ADAM9: variants seen among roughly 807,000 people sequenced by gnomAD.
ADAM9 encodes disintegrin and metalloproteinase domain-containing protein 9.
Under a neutral mutation model 108.1 loss-of-function variants are expected in ADAM9, and 54 were observed. That is an observed-to-expected ratio of 0.50 (90% CI 0.40 to 0.63). ADAM9 has a LOEUF of 0.63. Ranked by LOEUF, ADAM9 falls within the 20% of genes least tolerant of loss-of-function variation. The pLI, the probability that ADAM9 is intolerant of heterozygous loss-of-function variation, is 0.00. For missense variants in ADAM9, 830 were observed against 997.7 expected, an observed-to-expected ratio of 0.83 and a Z score of 2.26; for synonymous variants, 316 against 336.0, an observed-to-expected ratio of 0.94 and a Z score of 0.65.
At chr8:39,049,504 C>T (rs998918315) in intron 12 of ADAM9, among the ~76,000 whole-genome samples, 10 of 147,090 alleles carry the variant, frequency 6.8e-5, no homozygotes, top group East Asian at 2.0e-4. Context: ...TGCAGTGGTG[C>T]GATGGCTCAC....
At chr8:39,008,083 T>A (rs1836222232) in intron 2 of ADAM9, 100 bp downstream of exon 2, 1 of 876,284 alleles carries the variant, frequency 1.1e-6, no homozygotes, top group African/African-American at 1.7e-5. Flanking sequence ...CAGTGAGTTA[T>A]TACTTGGCTG....
intron 1 of ADAM9, among the ~76,000 whole-genome samples, chr8:38,998,483 A>T (rs1490927071): frequency 6.6e-6 from 1 of 152,190 alleles, no homozygotes; most frequent in Admixed American, 6.5e-5. Flanking sequence ...GCATTAGGTG[A>T]GTGGAATATC....
In ADAM9 at chr8:39,101,844, A is replaced by T. The variant is rs1249305043; in HGVS notation, c.2299-19A>T. The T allele has an allele frequency of 1.4e-6, 2 of 1,478,308 alleles. No individual in the cohort carries two copies. Among genetic ancestry groups the T allele is most frequent in the Non-Finnish European group, 1.9e-6 (2 of 1,073,138 alleles). The allele number at this position is 1,478,308 out of a possible 1,614,324, so 91.6% of individuals were successfully genotyped here. On this transcript the variant is annotated intron_variant, in intron 20 of 21. Transcript: ENST00000487273. ...ATGAGCACATAGTGGTAATAACCTTATTTTTTTTTTCTTTTTAGCCTATAT... is the reference window on the plus strand; with the variant it reads ...ATGAGCACATAGTGGTAATAACCTTTTTTTTTTTTTCTTTTTAGCCTATAT...
intron 12 of ADAM9, among the ~76,000 whole-genome samples, chr8:39,049,832 T>G (rs1039160884): frequency 6.6e-5 from 10 of 152,246 alleles, no homozygotes; most frequent in African/African-American, 2.2e-4. Flanking sequence ...ATTTTGCATT[T>G]GTCTATATAT....
intron 12 of ADAM9, among the ~76,000 whole-genome samples, chr8:39,051,333 A>G (rs1423662737): frequency 6.6e-6 from 1 of 152,080 alleles, no homozygotes; most frequent in African/African-American, 2.4e-5. Context: ...CAGTTTTCCT[A>G]CTGGTTTCAG....
chr8:39,095,475 C>A (rs1248431379), intron 20 of ADAM9, among the ~76,000 whole-genome samples: 2 of 151,986 alleles, frequency 1.3e-5, no homozygotes, highest in Non-Finnish European at 2.9e-5. Flanking sequence ...GATTTTGAGT[C>A]CTAATATTGT....
At position 38,997,060 on chromosome 8, in the gene ADAM9, C is replaced by G. The variant is rs114558710; in HGVS notation, c.-4C>G. On this transcript the variant is annotated 5_prime_UTR_variant, in exon 1 of 22. Transcript: ENST00000487273. ...GCTGAGAGGAACCTGCGGAATCGGC[C>G]GAGATGGGGTCTGGCGCGCGCTTTC... 11 of 1,606,674 alleles carry G rather than the reference C, an allele frequency of 6.8e-6. No individual in the cohort carries two copies. The highest frequency in any genetic ancestry group is 1.1e-5 in the South Asian group (1 of 90,996).
Position 39,014,726 on chromosome 8 carries a change from T to C in ADAM9, c.333+683T>C, listed in dbSNP as rs1428673656. Reference sequence around the variant, plus strand: ...CTTTATTCCCATTACATGTGTATGTTTTATTTTTCTTCTGAACTTTGTAAT... The same window carrying C: ...CTTTATTCCCATTACATGTGTATGTCTTATTTTTCTTCTGAACTTTGTAAT... On this transcript the variant is annotated intron_variant, in intron 4 of 21. Transcript: ENST00000487273. 8.7e-5 allele frequency: 46 copies of C among 531,316 alleles called. 3 individuals are homozygous for C. The South Asian group carries it at 1.1e-3, about 13-fold the overall frequency. The allele number at this position is 531,316 out of a possible 1,614,324, so 32.9% of individuals were successfully genotyped here.
intron 14 of ADAM9, among the ~76,000 whole-genome samples, chr8:39,061,652 T>C (rs1208414967): frequency 1.3e-5 from 2 of 151,720 alleles, no homozygotes; most frequent in South Asian, 2.1e-4. Flanking sequence ...AAGTCCAAGA[T>C]AAAGGTGCTG....
Position 39,104,617 on chromosome 8 carries a change from T to A in ADAM9, c.*917T>A, listed in dbSNP as rs1007981148. The A allele has an allele frequency of 4.6e-6, 2 of 431,478 alleles. No homozygotes were observed. Among genetic ancestry groups the A allele is most frequent in the Non-Finnish European group, 4.6e-6 (1 of 218,796 alleles). 26.7% of individuals were successfully genotyped at this position (431,478 alleles called of 1,614,324 possible). On this transcript the variant is annotated 3_prime_UTR_variant, in exon 22 of 22. Transcript: ENST00000487273. ...TTCATGAGCACTTTAAAATCTGAAC[T>A]TTCAAAGCTTGCTATTAAATCATTT... is the stretch of plus-strand genomic sequence containing the variant.
chr8:39,065,747 AT>A (rs1296408564), intron 14 of ADAM9, among the ~76,000 whole-genome samples: 2 of 150,914 alleles, frequency 1.3e-5, no homozygotes, highest in South Asian at 2.1e-4. Context: ...GTTAATGATA[AT>A]TTTTTTCTTT....
At chr8:39,027,784 A>G (rs1836968683) in intron 11 of ADAM9, among the ~76,000 whole-genome samples, 1 of 152,126 alleles carries the variant, frequency 6.6e-6, no homozygotes. Flanking sequence ...GAGAGGTGAT[A>G]TCTTTAACAA....
At chr8:39,027,884 C>CA (rs1836972363) in intron 11 of ADAM9, among the ~76,000 whole-genome samples, 1 of 151,744 alleles carries the variant, frequency 6.6e-6, no homozygotes, top group Non-Finnish European at 1.5e-5. Flanking sequence ...ACCTGGGCAA[C>CA]ACGGTGAGAC....
chr8:39,091,146 C>A (rs1839341356), intron 19 of ADAM9, 113 bp from the exon 20 acceptor site: 3 of 974,758 alleles, frequency 3.1e-6, no homozygotes, highest in East Asian at 2.4e-5. Flanking sequence ...GATTATCATC[C>A]CCACCACTAC....
At chr8:39,004,330 T>G (rs1280298755) in intron 1 of ADAM9, among the ~76,000 whole-genome samples, 1 of 152,050 alleles carries the variant, frequency 6.6e-6, no homozygotes, top group African/African-American at 2.4e-5. Context: ...CCTTCCACTT[T>G]AGCCTCCTGA....
rs1839794861 is a variant in ADAM9, at chr8:39,104,296, A to G, written c.*596A>G. ...TAAGATGTCATATTATTTTGAAAGT[A>G]CAAAATATACTAAAAGAGTGTGTGT... On this transcript the variant is annotated 3_prime_UTR_variant, in exon 22 of 22. Transcript: ENST00000487273. 2.2e-6 allele frequency: 1 copy of G among 452,872 alleles called. No individual in the cohort carries two copies. The highest frequency in any genetic ancestry group is 2.0e-5 in the African/African-American group (1 of 50,016). 28.1% of individuals were successfully genotyped at this position (452,872 alleles called of 1,614,324 possible). A position where few individuals can be genotyped will look rare whatever the true frequency, so the allele number is the denominator to read the frequency against.
chr8:39,069,979 T>TAC, intron 14 of ADAM9, among the ~76,000 whole-genome samples: 1 of 117,338 alleles, frequency 8.5e-6, no homozygotes, highest in East Asian at 2.5e-4. Context: ...CTTGTCTCAC[T>TAC]AAAAAAAAAA....
At chr8:39,062,259 A>G (rs1160511094) in intron 14 of ADAM9, among the ~76,000 whole-genome samples, 2 of 152,154 alleles carry the variant, frequency 1.3e-5, no homozygotes, top group African/African-American at 2.4e-5. Flanking sequence ...AATAGTATAA[A>G]TTTTTGGCAT....
In ADAM9 at chr8:39,104,646, A is replaced by G. The variant is rs1397006412; in HGVS notation, c.*946A>G. 1 of 448,648 alleles carries G rather than the reference A, an allele frequency of 2.2e-6. No homozygotes were observed. The allele number at this position is 448,648 out of a possible 1,614,324, so 27.8% of individuals were successfully genotyped here. On this transcript the variant is annotated 3_prime_UTR_variant, in exon 22 of 22. Coordinates refer to ENST00000487273, the MANE Select transcript of ADAM9 (RefSeq NM_003816.3). ...AAAGCTTGCTATTAAATCATTTAGA[A>G]TGTTTACATTTACTAAGGTGTGCTG... is the stretch of plus-strand genomic sequence containing the variant.
Sources: allele counts gnomAD v4.1 joint callset (sites outside exome capture counted in the v4.1 genomes callset), GRCh38; gene constraint gnomAD v4.1.1; transcripts MANE v1.5; gene names NCBI Gene and HGNC (gene_info 2026-07-23, HGNC 2026-07-21).